The following NFX1 variants were observed in gnomAD, a reference collection of about 807,000 sequenced individuals.
NFX1 encodes the protein transcriptional repressor NF-X1.
A neutral mutation model predicts 137.2 loss-of-function variants in NFX1; 69 were observed. The observed-to-expected ratio is 0.50, with a 90% CI of 0.41 to 0.61. The LOEUF is 0.61. Ranked by LOEUF, NFX1 falls within the 20% of genes least tolerant of loss-of-function variation. The pLI is 0.00. For missense variants in NFX1, 1,167 were observed against 1,391.0 expected (o/e 0.84, Z 2.56); for synonymous variants, 495 against 474.1 (o/e 1.04, Z -0.57).
chr9:33,325,760 T>A (rs1416401084), intron 9 of NFX1, among the ~76,000 whole-genome samples: 1 of 152,202 alleles, frequency 6.6e-6, no homozygotes, highest in Non-Finnish European at 1.5e-5. Context: ...AATTTATTGC[T>A]AGCAGGCAGA....
At chr9:33,359,193 T>G (rs374181403) in intron 19 of NFX1, among the ~76,000 whole-genome samples, 58 of 152,342 alleles carry the variant, frequency 3.8e-4, no homozygotes, top group African/African-American at 1.3e-3. Flanking sequence ...TTTCCTTTCT[T>G]TTTTCTTTTA....
Position 33,300,790 on chromosome 9 carries a change from C to T in NFX1, c.1034-473C>T, listed in dbSNP as rs368598221. Among the ~76,000 whole-genome samples the T allele has an allele frequency of 8.5e-5, 13 of 152,326 alleles. No individual in the cohort carries two copies. In the South Asian group the frequency reaches 1.9e-3, roughly 22 times the overall value. The stretch of plus-strand genomic sequence containing the variant: ...GAATGACTAAAGACTTTGAGGGCAA[C>T]GGCTAGAGCCATCTCACCACTCATG... On this transcript the variant is annotated intron_variant, in intron 2 of 23. Transcript: ENST00000379540.
chr9:33,321,945 A>T (rs1035503901), intron 9 of NFX1, among the ~76,000 whole-genome samples: 4 of 151,918 alleles, frequency 2.6e-5, no homozygotes, highest in Non-Finnish European at 5.9e-5. Flanking sequence ...CACATCTGTA[A>T]TCCCCCACAC....
intron 3 of NFX1, among the ~76,000 whole-genome samples, chr9:33,301,654 C>CA (rs1284932386): frequency 2.0e-4 from 31 of 152,150 alleles, no homozygotes; most frequent in African/African-American, 7.2e-4. Context: ...ATCAGTCACT[C>CA]TTATTGAAAA....
intron 11 of NFX1, among the ~76,000 whole-genome samples, chr9:33,335,663 G>A (rs1007247558): frequency 2.6e-5 from 4 of 151,978 alleles, no homozygotes; most frequent in African/African-American, 9.7e-5. Flanking sequence ...AAACATTTTC[G>A]TCACCCTGAA....
intron 11 of NFX1, among the ~76,000 whole-genome samples, chr9:33,332,959 C>T (rs759065043): frequency 7.2e-5 from 11 of 152,332 alleles, no homozygotes; most frequent in Non-Finnish European, 1.0e-4. Context: ...GATTCCCCTG[C>T]CTCAGCCTCC....
At chr9:33,327,182 T>C (rs1244716291) in intron 9 of NFX1, among the ~76,000 whole-genome samples, 1 of 152,216 alleles carries the variant, frequency 6.6e-6, no homozygotes, top group Admixed American at 6.5e-5. Flanking sequence ...CAGATATTTT[T>C]GAGTTTTGAT....
intron 17 of NFX1, among the ~76,000 whole-genome samples, chr9:33,353,683 CTTTTTTTTTT>C (rs111306917): frequency 6.6e-4 from 73 of 110,086 alleles, no homozygotes; most frequent in Non-Finnish European, 1.2e-3. Flanking sequence ...GATAGATTTG[CTTTTTTTTTT>C]TTTTTTTTTT....
chr9:33,352,484 G>A, intron 16 of NFX1, 162 bp from the exon 17 acceptor site: 1 of 706,692 alleles, frequency 1.4e-6, no homozygotes, highest in South Asian at 1.5e-5. Context: ...GTCAACAACT[G>A]TGTCAGTTTG....
chr9:33,298,522 A>G (rs1821439764), intron 2 of NFX1, among the ~76,000 whole-genome samples: 1 of 152,220 alleles, frequency 6.6e-6, no homozygotes, highest in South Asian at 2.1e-4. Flanking sequence ...TCACATCTGT[A>G]ATCCCAGCAC....
At chr9:33,358,135 T>C (rs1198239) in intron 19 of NFX1, among the ~76,000 whole-genome samples, 26,165 of 152,106 alleles carry the variant, frequency 0.17, 2,386 homozygotes, top group South Asian at 0.25. Context: ...ACTTGTAATT[T>C]TTTTTTTGAG....
intron 14 of NFX1, 23 bp from the exon 15 acceptor site, chr9:33,347,015 A>G (rs1260825025): frequency 6.3e-7 from 1 of 1,589,232 alleles, no homozygotes; most frequent in African/African-American, 1.3e-5. Flanking sequence ...AGTATTCCTA[A>G]AGTTACCTTT....
intron 19 of NFX1, among the ~76,000 whole-genome samples, chr9:33,358,151 G>T (rs1823872893): frequency 6.6e-6 from 1 of 151,858 alleles, no homozygotes; most frequent in Non-Finnish European, 1.5e-5. Flanking sequence ...TTGAGACAGA[G>T]TCTCGTTCTG....
At chr9:33,312,246 T>C (rs921351393) in intron 6 of NFX1, among the ~76,000 whole-genome samples, 1 of 152,256 alleles carries the variant, frequency 6.6e-6, no homozygotes, top group Non-Finnish European at 1.5e-5. Context: ...AAAGGTCAGA[T>C]CCTGGTTCTG....
At position 33,362,248 on chromosome 9, in the gene NFX1, G is replaced by T. The variant is rs181315369; in HGVS notation, c.2874-1762G>T. On this transcript the variant is annotated intron_variant, in intron 19 of 23. Coordinates refer to ENST00000379540, the MANE Select transcript of NFX1 (RefSeq NM_002504.6). The stretch of plus-strand genomic sequence containing the variant: ...CACATTAAAAATAGAACTACCATAT[G>T]ATCCAGCAATCCTATTACTTGGTAT... Among the ~76,000 whole-genome samples the T allele has an allele frequency of 7.2e-5, 11 of 152,156 alleles. No individual in the cohort carries two copies. In the East Asian group the frequency reaches 2.1e-3, roughly 29 times the overall value.
chr9:33,343,532 A>G lies in NFX1; in HGVS notation c.2225-537A>G, dbSNP rs144277865. ...AGGAGAAGGGAAGAGTATTTTAAAG[A>G]TGTTTTCAAATAATTATTGATATTC... On this transcript the variant is annotated intron_variant, in intron 13 of 23. Transcript: ENST00000379540. Among the ~76,000 whole-genome samples the G allele has an allele frequency of 7.4e-3, 1,128 of 152,318 alleles. 6 individuals are homozygous for G. The highest frequency in any genetic ancestry group is 0.012 in the Non-Finnish European group (828 of 68,024).
intron 10 of NFX1, among the ~76,000 whole-genome samples, chr9:33,331,709 T>C (rs1444469648): frequency 6.6e-6 from 1 of 151,754 alleles, no homozygotes; most frequent in Non-Finnish European, 1.5e-5. Context: ...TTTTTTTTTT[T>C]CAGGATAATT....
chr9:33,338,417 T>C, intron 11 of NFX1, 93 bp from the exon 12 acceptor site: 1 of 1,080,438 alleles, frequency 9.3e-7, no homozygotes, highest in East Asian at 2.4e-5. Flanking sequence ...ATTACTATTG[T>C]ATTCTTTGAG....
chr9:33,350,885 C>T (rs908228518), intron 15 of NFX1, among the ~76,000 whole-genome samples: 2 of 152,206 alleles, frequency 1.3e-5, no homozygotes, highest in Admixed American at 6.5e-5. Context: ...GTGGTTCATG[C>T]CTGTAATCCC....
Sources: allele counts gnomAD v4.1 joint callset (sites outside exome capture counted in the v4.1 genomes callset), GRCh38; gene constraint gnomAD v4.1.1; transcripts MANE v1.5; gene names NCBI Gene and HGNC (gene_info 2026-07-23, HGNC 2026-07-21).